Variants in MEP1B observed in about 807,000 individuals in gnomAD.
The protein encoded by MEP1B is meprin A subunit beta.
In MEP1B, 80 loss-of-function variants were observed where a neutral mutation model predicts 84.6. That is an observed-to-expected ratio of 0.95 (90% CI 0.79 to 1.14). The LOEUF (loss-of-function observed/expected upper bound fraction) is 1.14, where lower values mean the gene tolerates loss of function less well. Among genes scored for constraint, MEP1B ranks in the 50% most tolerant of loss-of-function variants. The pLI, the probability that MEP1B is intolerant of heterozygous loss-of-function variation, is 0.00. For synonymous variants in MEP1B, 273 were observed against 288.1 expected (o/e 0.95, Z 0.53); for missense variants, 766 against 855.1 (o/e 0.90, Z 1.30).
At chr18:32,216,882 A>C (rs2041095632) in intron 12 of MEP1B, 109 bp from the exon 13 acceptor site, 1 of 1,307,020 alleles carries the variant, frequency 7.7e-7, no homozygotes, top group African/African-American at 1.5e-5. Flanking sequence ...AAAAAAAAAG[A>C]AAGAAAGAAA....
chr18:32,194,671 G>T (rs2040834745), intron 4 of MEP1B, among the ~76,000 whole-genome samples: 1 of 152,052 alleles, frequency 6.6e-6, no homozygotes, highest in Non-Finnish European at 1.5e-5. Context: ...CCCTTTCAAT[G>T]CTGGCTCTGT....
At chr18:32,216,222 C>T (rs11876428) in intron 12 of MEP1B, among the ~76,000 whole-genome samples, 15,742 of 152,008 alleles carry the variant, frequency 0.1, 1,135 homozygotes, top group African/African-American at 0.21. Flanking sequence ...TTAAAACCCA[C>T]AAAATTTTGA....
chr18:32,198,401 T>G (rs2040877433), intron 5 of MEP1B, among the ~76,000 whole-genome samples: 1 of 152,230 alleles, frequency 6.6e-6, no homozygotes, highest in South Asian at 2.1e-4. Context: ...GTTTACGTTC[T>G]TTCTGTTCAC....
At chr18:32,209,132 T>G (rs76393137) in intron 9 of MEP1B, among the ~76,000 whole-genome samples, 5,465 of 152,266 alleles carry the variant, frequency 0.036, 144 homozygotes, top group South Asian at 0.094. Flanking sequence ...TAGAACCATA[T>G]TTAAATGCCC....
At chr18:32,197,405 GTT>G (rs34303503) in intron 5 of MEP1B, among the ~76,000 whole-genome samples, 1 of 142,194 alleles carries the variant, frequency 7.0e-6, no homozygotes, top group Non-Finnish European at 1.5e-5. Flanking sequence ...TTTCATTTTT[GTT>G]TTTTTTTTTT....
At chr18:32,202,836 G>T (rs558287532) in intron 5 of MEP1B, 57 bp from the exon 6 acceptor site, 4 of 1,120,234 alleles carry the variant, frequency 3.6e-6, no homozygotes, top group Non-Finnish European at 5.3e-6. Flanking sequence ...TTCCATGGAA[G>T]ATTTTTCAGT....
At chr18:32,207,569 C>T (rs1463592318) in intron 8 of MEP1B, 99 bp downstream of exon 8, 7 of 767,064 alleles carry the variant, frequency 9.1e-6, no homozygotes, top group South Asian at 3.3e-5. Flanking sequence ...GGGGTTTCTG[C>T]GATTATAGAG....
At position 32,208,278 on chromosome 18, in the gene MEP1B, G is replaced by T. The variant is rs2040987329; in HGVS notation, c.919+7G>T. The T allele has an allele frequency of 6.2e-7, 1 of 1,612,740 alleles. No individual in the cohort carries two copies. Among genetic ancestry groups the T allele is most frequent in the Non-Finnish European group, 8.5e-7 (1 of 1,179,074 alleles). On this transcript the variant is annotated splice_region_variant and intron_variant, in intron 9 of 14. Transcript: ENST00000269202. The stretch of plus-strand genomic sequence containing the variant: ...AACATGGGCCAGTGCCAAGGTAACA[G>T]GAGTGAGATATTCCTAGACTGTATA...
chr18:32,203,868 TAA>T (rs1173346362), intron 6 of MEP1B, among the ~76,000 whole-genome samples: 29 of 152,140 alleles, frequency 1.9e-4, no homozygotes, highest in African/African-American at 5.5e-4. Flanking sequence ...TACACACTTT[TAA>T]ATGACCAGAT....
At chr18:32,202,150 C>G (rs2040918792) in intron 5 of MEP1B, among the ~76,000 whole-genome samples, 1 of 152,220 alleles carries the variant, frequency 6.6e-6, no homozygotes, top group Admixed American at 6.5e-5. Context: ...ACTTTCCCCT[C>G]TGCCATACTG....
At chr18:32,193,717 C>T (rs1027508753) in intron 4 of MEP1B, among the ~76,000 whole-genome samples, 1 of 152,180 alleles carries the variant, frequency 6.6e-6, no homozygotes, top group Non-Finnish European at 1.5e-5. Context: ...TCCTAAGTCA[C>T]TCCCTTACTT....
At chr18:32,207,168 C>A in intron 7 of MEP1B, 84 bp from the exon 8 acceptor site, 1 of 856,750 alleles carries the variant, frequency 1.2e-6, no homozygotes, top group Non-Finnish European at 1.8e-6. Flanking sequence ...TTATTATATT[C>A]TCCATTTCTA....
rs1555707247 is a variant in MEP1B, at chr18:32,209,819, G to GA, written c.920-682_920-681insA. On this transcript the variant is annotated intron_variant, in intron 9 of 14. Coordinates refer to ENST00000269202, the MANE Select transcript of MEP1B (RefSeq NM_005925.3). ...AGTTAGAAAGTGTTTAAAAAAAAAA[G>GA]GGGGGCGGGCAGGTCAGCCAAGGCC... 9.8e-5 allele frequency among the ~76,000 whole-genome samples: 4 copies of GA among 40,964 alleles called. No individual in the cohort carries two copies. In the African/African-American group the frequency reaches 1.8e-3, roughly 18 times the overall value. The allele number at this position is 40,964 out of a possible 152,430, so 26.9% of individuals were successfully genotyped here.
rs1243948281 is a variant in MEP1B, at chr18:32,192,814, T to A, written c.168T>A (p.Asp56Glu). The change falls in exon 4 of 15, where the codon GAT becomes GAA. Residue 56 changes from aspartate (D) to glutamate (E), a missense_variant. Coordinates refer to ENST00000269202, the MANE Select transcript of MEP1B (RefSeq NM_005925.3). ...TTTTTGAGGGTGACATCAGACTTGA[T>A]AGGGTGAGTTGAAACAGTATAAGGA... is the stretch of plus-strand genomic sequence containing the variant. ...LDLFEGDIRL[D>E]RAQIRNSIIG... The A allele has an allele frequency of 1.9e-6, 3 of 1,611,506 alleles. No homozygotes were observed. The highest frequency in any genetic ancestry group is 2.7e-5 in the African/African-American group (2 of 74,862).
At chr18:32,215,026 C>T (rs1598897473) in intron 11 of MEP1B, 56 bp from the exon 12 acceptor site, 1 of 1,299,744 alleles carries the variant, frequency 7.7e-7, no homozygotes, top group Non-Finnish European at 1.1e-6. Context: ...TCTTTCCTAC[C>T]ACCAAAAGCT....
chr18:32,195,845 G>A (rs1206420124), intron 5 of MEP1B, among the ~76,000 whole-genome samples: 2 of 152,268 alleles, frequency 1.3e-5, no homozygotes, highest in Admixed American at 6.5e-5. Flanking sequence ...ATCTTTTGGA[G>A]AGCAGACAGG....
intron 6 of MEP1B, 163 bp downstream of exon 6, chr18:32,203,173 T>G (rs2040930172): frequency 3.9e-6 from 2 of 515,814 alleles, no homozygotes; most frequent in Admixed American, 7.2e-5. Context: ...TTTGTAGACA[T>G]AGAAATTATA....
chr18:32,204,075 G>GGTGGGTAATGAA lies in MEP1B; in HGVS notation c.369-90_369-79dup, dbSNP rs1461376636. On this transcript the variant is annotated intron_variant, in intron 6 of 14. Coordinates refer to ENST00000269202, the MANE Select transcript of MEP1B (RefSeq NM_005925.3). ...CACAGTGTTCAGATGTAAGAGCAAA[G>GGTGGGTAATGAA]GTGGGTAATGAAGTGGGTAATGAAG... 14 of 883,782 alleles carry GGTGGGTAATGAA rather than the reference G, an allele frequency of 1.6e-5. No homozygotes were observed. The Admixed American group carries it at 2.8e-4, about 18-fold the overall frequency. The allele number at this position is 883,782 out of a possible 1,614,324, so 54.7% of individuals were successfully genotyped here. A position where few individuals can be genotyped will look rare whatever the true frequency, so the allele number is the denominator to read the frequency against.
chr18:32,215,102 G>A lies in MEP1B; in HGVS notation c.1600G>A (p.Asp534Asn). The A allele has an allele frequency of 6.3e-7, 1 of 1,597,730 alleles. No homozygotes were observed. Among genetic ancestry groups the A allele is most frequent in the Admixed American group, 1.8e-5 (1 of 56,006 alleles). ...TTCAGATAATGGAAACTATTTCTGG[G>A]ACAGGCCTTCTAAAGTGGGAACAGT... ...MTTDNGNYFW[D>N]RPSKVGTVAL... Residue 534 changes from aspartate (D) to asparagine (N), a missense_variant, in exon 12 of 15, where the codon GAC becomes AAC. Physicochemically the swap from Asp to Asn is conservative, Grantham distance 23. Transcript: ENST00000269202.
Sources: gnomAD v4.1 joint callset for allele counts (sites outside exome capture counted in the v4.1 genomes callset) on GRCh38, gnomAD v4.1.1 for gene constraint, MANE v1.5 for transcripts, NCBI Gene and HGNC (gene_info 2026-07-23, HGNC 2026-07-21) for gene names.